BTBD7: variants seen among roughly 807,000 people sequenced by gnomAD.
BTBD7 encodes the protein BTB domain containing 7, also known as BTB/POZ domain-containing protein 7.
Under a neutral mutation model 99.9 loss-of-function variants are expected in BTBD7, and 38 were observed. The ratio of observed to expected loss-of-function variants is 0.38; its 90% CI spans 0.29 to 0.50. BTBD7 has a LOEUF of 0.50. Among genes scored for constraint, BTBD7 ranks in the 20% least tolerant of loss-of-function variants. BTBD7 has a pLI of 0.93. For synonymous variants in BTBD7, 520 were observed against 511.4 expected, an observed-to-expected ratio of 1.02 and a Z score of -0.23; for missense variants, 1,170 against 1,394.6, an observed-to-expected ratio of 0.84 and a Z score of 2.57.
At chr14:93,258,108 T>C (rs554790126) in intron 5 of BTBD7, among the ~76,000 whole-genome samples, 14 of 145,030 alleles carry the variant, frequency 9.7e-5, no homozygotes, top group African/African-American at 3.8e-4. Flanking sequence ...ATTTTTTTCT[T>C]AAAAAAATTA....
chr14:93,282,373 C>T (rs1407168731), intron 3 of BTBD7, among the ~76,000 whole-genome samples: 1 of 151,060 alleles, frequency 6.6e-6, no homozygotes, highest in African/African-American at 2.4e-5. Context: ...CTCTGTTGCC[C>T]AGGCTGGAGT....
At chr14:93,315,263 GTTA>G (rs2053186793) in intron 1 of BTBD7, among the ~76,000 whole-genome samples, 1 of 152,116 alleles carries the variant, frequency 6.6e-6, no homozygotes, top group Admixed American at 6.5e-5. Flanking sequence ...TTATAACACA[GTTA>G]TTATTGTTTC....
rs369253583 is a variant in BTBD7 at position 93,252,247 on chromosome 14, T to C, written c.1753-595A>G. On this transcript the variant is annotated intron_variant, in intron 7 of 10. Coordinates refer to ENST00000334746, the MANE Select transcript of BTBD7 (RefSeq NM_001002860.4). ...ACTGCTTGAACTCGGGAGGAGAAGG[T>C]TGTAGTAAGCTGAGATCTCACTGCG... 8.6e-5 allele frequency among the ~76,000 whole-genome samples: 13 copies of C among 151,692 alleles called. No homozygotes were observed. In the East Asian group the frequency reaches 1.6e-3, roughly 18 times the overall value.
At chr14:93,288,701 G>A (rs781724409) in intron 3 of BTBD7, 60 of 1,609,856 alleles carry the variant, frequency 3.7e-5, no homozygotes, top group Non-Finnish European at 4.8e-5. Context: ...GATGACTGTA[G>A]TCTCCTCTGT....
At position 93,263,836 on chromosome 14, in the gene BTBD7, A is replaced by G. The variant is rs756843725; in HGVS notation, c.1320T>C (p.Tyr440=). Residue 440 remains tyrosine, a synonymous_variant, in exon 4 of 11, where the codon TAT becomes TAC. Coordinates refer to ENST00000334746, the MANE Select transcript of BTBD7 (RefSeq NM_001002860.4). ...TAAGCAGATGGTCTTTGCTGAGTTC[A>G]TAAAAAACATCCGAAGTCATGACCT... ...FSQVMTSDVF[Y]ELSKDHLLTA... 3 of 1,614,194 alleles carry G rather than the reference A, an allele frequency of 1.9e-6. No individual in the cohort carries two copies. Among genetic ancestry groups the G allele is most frequent in the Non-Finnish European group, 2.5e-6 (3 of 1,180,032 alleles).
intron 3 of BTBD7, among the ~76,000 whole-genome samples, chr14:93,291,180 TATG>T (rs2052850795): frequency 6.6e-6 from 1 of 152,054 alleles, no homozygotes; most frequent in Non-Finnish European, 1.5e-5. Context: ...AAAAAAACTA[TATG>T]GTAGTGAGAG....
At chr14:93,279,607 G>C (rs1451467311) in intron 3 of BTBD7, among the ~76,000 whole-genome samples, 1 of 152,096 alleles carries the variant, frequency 6.6e-6, no homozygotes, top group Non-Finnish European at 1.5e-5. Flanking sequence ...GAGTGCAGTG[G>C]CGTGATCCCA....
At position 93,246,091 on chromosome 14, in the gene BTBD7, G is replaced by A. The variant is rs1385183261; in HGVS notation, c.2317C>T (p.His773Tyr). 6.4e-7 allele frequency: 1 copy of A among 1,570,948 alleles called. No homozygotes were observed. Among genetic ancestry groups the A allele is most frequent in the East Asian group, 2.4e-5 (1 of 42,268 alleles). ...PPYHPPATPI[H>Y]NQLKAGWKQR... ...TTCCAGCCTGCTTTGAGTTGGTTAT[G>A]GATTGGGGTAGCTGGGGGGTGGTAG... The change falls in exon 10 of 11, where the codon CAT becomes TAT. Residue 773 changes from histidine to tyrosine, a missense_variant. Around this residue, in one of 4 missense-constraint regions of BTBD7, gnomAD observed 495 missense variants for 525.9 expected, o/e 0.94. Transcript: ENST00000334746.
chr14:93,324,979 A>C lies in BTBD7; in HGVS notation c.-107+7841T>G, dbSNP rs2053311628. 3.3e-5 allele frequency among the ~76,000 whole-genome samples: 5 copies of C among 152,376 alleles called. No individual in the cohort carries two copies. In the South Asian group the frequency reaches 1.0e-3, roughly 32 times the overall value. On this transcript the variant is annotated intron_variant, in intron 1 of 10. Transcript: ENST00000334746. ...ACACAAGACAGAGGCACAGGGAACA[A>C]GAAACAGCATGGCTGGAGTGACAGG...
In BTBD7 at chr14:93,281,202, A is replaced by G. The variant is rs564763884; in HGVS notation, c.1162+12656T>C. On this transcript the variant is annotated intron_variant, in intron 3 of 10. Transcript: ENST00000334746. ...TTTTTTGTAGAGATGGAGTTTCACCATGTTATCCATGCTGATCTCAAACTC... is the reference window on the plus strand; with the variant it reads ...TTTTTTGTAGAGATGGAGTTTCACCGTGTTATCCATGCTGATCTCAAACTC... Among the ~76,000 whole-genome samples, 227 of 142,724 alleles carry G rather than the reference A, an allele frequency of 1.6e-3. 1 individual carries two copies. The highest frequency in any genetic ancestry group is 3.7e-3 in the Admixed American group (51 of 13,944). 93.6% of individuals were successfully genotyped at this position (142,724 alleles called of 152,430 possible).
intron 3 of BTBD7, among the ~76,000 whole-genome samples, chr14:93,271,910 G>A (rs1488609728): frequency 2.0e-5 from 3 of 152,226 alleles, no homozygotes; most frequent in East Asian, 1.9e-4. Context: ...GGAGGCTGAC[G>A]TGGGAAGACC....
intron 1 of BTBD7, among the ~76,000 whole-genome samples, chr14:93,299,568 G>T (rs11621481): frequency 0.079 from 11,870 of 149,470 alleles, 994 homozygotes; most frequent in African/African-American, 0.21. Context: ...CATTCTGGGG[G>T]ACTCCCTCTT....
At chr14:93,300,964 G>A (rs2052997834) in intron 1 of BTBD7, among the ~76,000 whole-genome samples, 1 of 151,870 alleles carries the variant, frequency 6.6e-6, no homozygotes, top group South Asian at 2.1e-4. Context: ...AAAAAAAGAG[G>A]CACCTGAATT....
chr14:93,261,454 C>T, intron 5 of BTBD7, 148 bp downstream of exon 5: 1 of 707,726 alleles, frequency 1.4e-6, no homozygotes, highest in Non-Finnish European at 2.5e-6. Context: ...ATACCCTGTC[C>T]ACTAAAGGAT....
rs1308958027 is a variant in BTBD7, at chr14:93,242,352, A to G, written c.3320T>C (p.Leu1107Ser). The change falls in exon 11 of 11, where the codon TTG becomes TCG. Residue 1107 changes from leucine to serine, a missense_variant. By Grantham distance (145) the Leu-to-Ser change is moderately radical (BLOSUM62 -2). Around this residue, in one of 4 missense-constraint regions of BTBD7, gnomAD observed 495 missense variants for 525.9 expected, o/e 0.94. Transcript: ENST00000334746. ...LGHGAQRNTD[L>S]EREDSISRGR... Reference sequence around the variant, plus strand: ...TCTGCTTATTGAATCTTCCCTTTCCAAATCTGTATTTCTCTGAGCTCCATG... The same window carrying G: ...TCTGCTTATTGAATCTTCCCTTTCCGAATCTGTATTTCTCTGAGCTCCATG... The G allele has an allele frequency of 6.2e-7, 1 of 1,614,028 alleles. No homozygotes were observed. Among genetic ancestry groups the G allele is most frequent in the East Asian group, 2.2e-5 (1 of 44,894 alleles).
Position 93,294,111 on chromosome 14 carries a change from T to C in BTBD7, c.909A>G (p.Thr303=). 1.9e-6 allele frequency: 3 copies of C among 1,614,166 alleles called. No individual in the cohort carries two copies. Among genetic ancestry groups the C allele is most frequent in the South Asian group, 1.1e-5 (1 of 91,080 alleles). ...TTGTGGGAGTCCTCAAAGTTCGGTC[T>C]GTGATTTCTTCACCAGTTCGTATCC... ...QRRIRTGEEI[T]DRTLRTPTRI... is the part of the protein sequence containing the mutation. The change falls in exon 3 of 11, where the codon ACA becomes ACG. Residue 303 remains threonine (T), a synonymous_variant. Transcript: ENST00000334746.
intron 1 of BTBD7, among the ~76,000 whole-genome samples, chr14:93,319,233 A>C (rs1452563050): frequency 6.6e-6 from 1 of 152,168 alleles, no homozygotes; most frequent in Non-Finnish European, 1.5e-5. Context: ...AACAACCAAA[A>C]CCAAAAAACA....
rs2052244036 is a variant in BTBD7 at position 93,242,507 on chromosome 14, C to T, written c.3165G>A (p.Arg1055=). 10 of 1,614,236 alleles carry T rather than the reference C, an allele frequency of 6.2e-6. No individual in the cohort carries two copies. Among genetic ancestry groups the T allele is most frequent in the Non-Finnish European group, 7.6e-6 (9 of 1,180,042 alleles). Residue 1055 remains arginine (R), a synonymous_variant, in exon 11 of 11, where the codon AGG becomes AGA. Coordinates refer to ENST00000334746, the MANE Select transcript of BTBD7 (RefSeq NM_001002860.4). ...ENASTGPAHV[R]GRTAVETDLT... ...AGTCAGTTTCTACTGCAGTTCGTCCCCTGACATGGGCTGGACCGGTACTAG... is the reference window on the plus strand; with the variant it reads ...AGTCAGTTTCTACTGCAGTTCGTCCTCTGACATGGGCTGGACCGGTACTAG...
intron 1 of BTBD7, among the ~76,000 whole-genome samples, chr14:93,297,471 C>T (rs770061425): frequency 6.6e-6 from 1 of 152,112 alleles, no homozygotes; most frequent in African/African-American, 2.4e-5. Flanking sequence ...TACAGGTGAG[C>T]GCCATCATGC....
Sources: allele counts gnomAD v4.1 joint callset (sites outside exome capture counted in the v4.1 genomes callset), GRCh38; gene constraint gnomAD v4.1.1; regional missense constraint gnomAD v4.1.1; transcripts MANE v1.5; gene names NCBI Gene and HGNC (gene_info 2026-07-23, HGNC 2026-07-21).